Variants in GGA3 observed in about 807,000 individuals in gnomAD.
The protein encoded by GGA3 is ADP-ribosylation factor-binding protein GGA3.
In GGA3, 57 loss-of-function variants were observed where a neutral mutation model predicts 77.5. The observed-to-expected ratio is 0.74, with a 90% CI of 0.59 to 0.92. GGA3 has a LOEUF of 0.92. GGA3 is among the 40% of genes least tolerant of loss of function. The pLI is 0.00. For synonymous variants in GGA3, 416 were observed against 383.7 expected (o/e 1.08, Z -0.98); for missense variants, 970 against 914.9 (o/e 1.06, Z -0.78).
intron 8 of GGA3, chr17:75,241,906 A>G (rs964555152): frequency 3.5e-5 from 21 of 599,656 alleles, no homozygotes; most frequent in Admixed American, 2.0e-4. Flanking sequence ...AGCAGTCACC[A>G]GGATGGGTCA....
rs1489412177 is a variant in GGA3, at chr17:75,242,879, T to C, written c.561A>G (p.Pro187=). The C allele has an allele frequency of 6.2e-7, 1 of 1,614,086 alleles. No homozygotes were observed. Among genetic ancestry groups the C allele is most frequent in the Non-Finnish European group, 8.5e-7 (1 of 1,179,938 alleles). Residue 187 remains proline (P), a synonymous_variant, in exon 7 of 17, where the codon CCA becomes CCG. Transcript: ENST00000537686. ...LLAKLLKSKN[P]DDLQEANKLI... is the part of the protein sequence containing the mutation. The stretch of plus-strand genomic sequence containing the variant: ...GCTTGTTGGCCTCCTGCAGGTCATC[T>C]GGGTTTTTGCTTTTCAGCAGCTTGG...
intron 1 of GGA3, among the ~76,000 whole-genome samples, chr17:75,253,754 G>A (rs982099046): frequency 6.6e-6 from 1 of 151,186 alleles, no homozygotes; most frequent in Non-Finnish European, 1.5e-5. Context: ...AAGAACCCTC[G>A]AACCCCTTCC....
chr17:75,246,183 T>C (rs189073662), intron 3 of GGA3, among the ~76,000 whole-genome samples: 1 of 152,312 alleles, frequency 6.6e-6, no homozygotes, highest in East Asian at 1.9e-4. Context: ...CCTGTCAGCA[T>C]CTCTTCACCA....
At chr17:75,262,229 C>T (rs1391793303), upstream of GGA3, 4 of 636,810 alleles carry the variant, frequency 6.3e-6, no homozygotes, top group Non-Finnish European at 8.1e-6. Context: ...GAGCTCAGAT[C>T]TGGGATCGCC....
At position 75,240,988 on chromosome 17, in the gene GGA3, G is replaced by A; in HGVS notation, c.1016C>T (p.Ser339Phe). The A allele has an allele frequency of 1.9e-6, 3 of 1,614,074 alleles. No individual in the cohort carries two copies. The highest frequency in any genetic ancestry group is 2.5e-6 in the Non-Finnish European group (3 of 1,179,934). ...LAELDTTNSL[S>F]SVLAPAPTPP... ...AGTAGGTGCTGGGGCCAACACGGAG[G>A]ACAAACTGTTGGTCGTGTCCAGCTC... is the stretch of plus-strand genomic sequence containing the variant. The change falls in exon 11 of 17, where the codon TCC (serine) becomes TTC (phenylalanine). Residue 339 changes from serine (S) to phenylalanine (F), a missense_variant. Transcript: ENST00000537686.
chr17:75,253,015 A>C (rs1300130736), intron 1 of GGA3, among the ~76,000 whole-genome samples: 1 of 152,210 alleles, frequency 6.6e-6, no homozygotes, highest in Admixed American at 6.5e-5. Flanking sequence ...GCTCACACAA[A>C]GCCTGTTTGG....
chr17:75,243,987 G>C (rs919992048), intron 4 of GGA3, among the ~76,000 whole-genome samples: 1 of 152,134 alleles, frequency 6.6e-6, no homozygotes, highest in Non-Finnish European at 1.5e-5. Flanking sequence ...CCTGCTCTCT[G>C]CCTTTCCTTA....
chr17:75,239,499 G>A lies in GGA3; in HGVS notation c.1656C>T (p.Pro552=). The change falls in exon 14 of 17, where the codon CCC becomes CCT. Residue 552 remains proline, a synonymous_variant. Coordinates refer to ENST00000537686, the MANE Select transcript of GGA3 (RefSeq NM_138619.4). ...PTTTPARPLL[P]FSTGPGSPLF... ...GCGGGCTGCCGGGCCCCGTGGAGAA[G>A]GGCAGGAGGGGCCTGGCTGGGGTGG... 1.3e-6 allele frequency: 2 copies of A among 1,576,732 alleles called. No individual in the cohort carries two copies. Among genetic ancestry groups the A allele is most frequent in the South Asian group, 1.2e-5 (1 of 86,582 alleles).
chr17:75,256,735 C>T (rs1328241070), intron 1 of GGA3, among the ~76,000 whole-genome samples: 2 of 152,092 alleles, frequency 1.3e-5, no homozygotes, highest in Non-Finnish European at 2.9e-5. Context: ...TTCAGGCCCC[C>T]TCCCTTCCCT....
rs554173814 is a variant in GGA3, at chr17:75,261,083, A to G, written c.40+465T>C. On this transcript the variant is annotated intron_variant, in intron 1 of 16. Transcript: ENST00000537686. ...GTCACTTCTCCAACACATGGTCACAATTCTGAAGCTGCCAGGCGACTGAAC... is the reference window on the plus strand; with the variant it reads ...GTCACTTCTCCAACACATGGTCACAGTTCTGAAGCTGCCAGGCGACTGAAC... Among the ~76,000 whole-genome samples, 8 of 152,338 alleles carry G rather than the reference A, an allele frequency of 5.3e-5. No homozygotes were observed. In the South Asian group the frequency reaches 1.2e-3, roughly 24 times the overall value.
At position 75,237,214 on chromosome 17, in the gene GGA3, T is replaced by C. The variant is rs2076348914; in HGVS notation, c.*1065A>G. On this transcript the variant is annotated 3_prime_UTR_variant, in exon 17 of 17. Transcript: ENST00000537686. ...GTGACTCAGCTCAAGTGTGGCCCGA[T>C]CTCATCACCTCCAGACCCAACATCT... The C allele has an allele frequency of 3.5e-6, 2 of 578,750 alleles. No individual in the cohort carries two copies. Among genetic ancestry groups the C allele is most frequent in the Admixed American group, 3.1e-5 (1 of 32,728 alleles). The allele number at this position is 578,750 out of a possible 1,614,324, so 35.9% of individuals were successfully genotyped here. A position where few individuals can be genotyped will look rare whatever the true frequency, so the allele number is the denominator to read the frequency against.
intron 1 of GGA3, chr17:75,248,816 CAAAACAAAA>C (rs2076857025): frequency 5.9e-6 from 4 of 674,918 alleles, no homozygotes; most frequent in Admixed American, 4.9e-4. Flanking sequence ...ACAAAAAAAA[CAAAACAAAA>C]AAAAAAAAAC....
At position 75,244,683 on chromosome 17, in the gene GGA3, C is replaced by T. The variant is rs906130883; in HGVS notation, c.236G>A (p.Arg79Lys). The T allele has an allele frequency of 1.2e-6, 2 of 1,613,876 alleles. No individual in the cohort carries two copies. Among genetic ancestry groups the T allele is most frequent in the Admixed American group, 3.3e-5 (2 of 59,996 alleles). ...LEACMKNCGRRFHNEVGKFRF... is the reference protein window; with the variant it reads ...LEACMKNCGRKFHNEVGKFRF... Reference sequence around the variant, plus strand: ...GAACTTCCCCACTTCGTTATGAAATCTCCTCCCACAGTTCTTCATGCATGC... The same window carrying T: ...GAACTTCCCCACTTCGTTATGAAATTTCCTCCCACAGTTCTTCATGCATGC... The change falls in exon 4 of 17, where the codon AGA (arginine) becomes AAA (lysine). Residue 79 changes from arginine to lysine, a missense_variant. Arg to Lys is a conservative substitution (Grantham distance 26). Coordinates refer to ENST00000537686, the MANE Select transcript of GGA3 (RefSeq NM_138619.4).
At position 75,238,191 on chromosome 17, in the gene GGA3, A is replaced by G. The variant is rs1290269862; in HGVS notation, c.*88T>C. 1.3e-6 allele frequency: 2 copies of G among 1,537,730 alleles called. No homozygotes were observed. Among genetic ancestry groups the G allele is most frequent in the East Asian group, 4.6e-5 (2 of 43,776 alleles). On this transcript the variant is annotated 3_prime_UTR_variant, in exon 17 of 17. Coordinates refer to ENST00000537686, the MANE Select transcript of GGA3 (RefSeq NM_138619.4). ...CATCAAAGCTACAAGCACTGTTGTC[A>G]GGGCATGGAGAGTGACGGGACCAGA...
chr17:75,239,263 G>T, intron 14 of GGA3, 112 bp downstream of exon 14: 1 of 1,045,672 alleles, frequency 9.6e-7, no homozygotes, highest in Non-Finnish European at 1.4e-6. Context: ...AGGCCTGCCT[G>T]GCTTTAAGGG....
chr17:75,241,261 G>C, intron 10 of GGA3, 139 bp downstream of exon 10: 1 of 781,332 alleles, frequency 1.3e-6, no homozygotes, highest in South Asian at 1.6e-5. Context: ...CGGGAAGCCG[G>C]AGGATTGCTT....
rs572608394 is a variant in GGA3, at chr17:75,237,417, G to A, written c.*862C>T. 3.6e-5 allele frequency: 50 copies of A among 1,390,500 alleles called. No homozygotes were observed. The East Asian group carries it at 5.7e-4, about 16-fold the overall frequency. The allele number at this position is 1,390,500 out of a possible 1,614,324, so 86.1% of individuals were successfully genotyped here. On this transcript the variant is annotated 3_prime_UTR_variant, in exon 17 of 17. Coordinates refer to ENST00000537686, the MANE Select transcript of GGA3 (RefSeq NM_138619.4). Reference sequence around the variant, plus strand: ...CCAAAGCAGTAGGATGTAGAGTGGCGGTAGATTCCAAGGGGAGGATAGCAG... The same window carrying A: ...CCAAAGCAGTAGGATGTAGAGTGGCAGTAGATTCCAAGGGGAGGATAGCAG...
intron 14 of GGA3, 26 bp from the exon 15 acceptor site, chr17:75,239,109 G>A: frequency 6.2e-7 from 1 of 1,604,506 alleles, no homozygotes; most frequent in Non-Finnish European, 8.5e-7. Flanking sequence ...GTGAGTGTGG[G>A]AGGAGCAGCA....
At chr17:75,254,516 T>G (rs2077076232) in intron 1 of GGA3, among the ~76,000 whole-genome samples, 1 of 152,188 alleles carries the variant, frequency 6.6e-6, no homozygotes, top group Admixed American at 6.5e-5. Context: ...GCAGCAACCC[T>G]GAGACGCTTT....
Sources: allele counts gnomAD v4.1 joint callset (sites outside exome capture counted in the v4.1 genomes callset), GRCh38; gene constraint gnomAD v4.1.1; transcripts MANE v1.5; gene names NCBI Gene and HGNC (gene_info 2026-07-23, HGNC 2026-07-21).